Variants in LAPTM4B observed in about 807,000 individuals in gnomAD.
LAPTM4B encodes the protein lysosomal protein transmembrane 4 beta, also known as lysosomal-associated transmembrane protein 4B.
Under a neutral mutation model 28.5 loss-of-function variants are expected in LAPTM4B, and 26 were observed. The ratio of observed to expected loss-of-function variants is 0.91; its 90% CI spans 0.67 to 1.27. The LOEUF (loss-of-function observed/expected upper bound fraction) is 1.27, where lower values mean the gene tolerates loss of function less well. LAPTM4B is among the 50% of genes most tolerant of loss of function. The pLI is 0.00. For missense variants in LAPTM4B, 288 were observed against 285.8 expected (o/e 1.01, Z -0.06); for synonymous variants, 109 against 106.4 (o/e 1.02, Z -0.15).
intron 5 of LAPTM4B, among the ~76,000 whole-genome samples, chr8:97,821,519 A>G (rs973380611): frequency 3.6e-4 from 54 of 152,032 alleles, no homozygotes; most frequent in African/African-American, 1.3e-3. Context: ...CAAACAAAGA[A>G]GCAGGTAGTG....
intron 1 of LAPTM4B, among the ~76,000 whole-genome samples, chr8:97,783,072 C>CTTTTTTTTTTTTTTTTTTT (rs10605324): frequency 7.8e-6 from 1 of 127,768 alleles, no homozygotes; most frequent in African/African-American, 2.9e-5. Context: ...CGCGCCCGGC[C>CTTTTTTTTTTTTTTTTTTT]TTTTTTTTTT....
chr8:97,779,970 G>C (rs567691760), intron 1 of LAPTM4B, among the ~76,000 whole-genome samples: 1 of 147,734 alleles, frequency 6.8e-6, no homozygotes, highest in South Asian at 2.1e-4. Context: ...AGAATCCCTT[G>C]AACCCAGGTG....
At chr8:97,777,494 G>A (rs62521744) in intron 1 of LAPTM4B, among the ~76,000 whole-genome samples, 1 of 151,778 alleles carries the variant, frequency 6.6e-6, no homozygotes, top group Non-Finnish European at 1.5e-5. Flanking sequence ...GTGTGTGTGT[G>A]GTTTGTTTAT....
intron 5 of LAPTM4B, among the ~76,000 whole-genome samples, chr8:97,819,448 T>C (rs547691485): frequency 3.3e-5 from 5 of 152,304 alleles, no homozygotes; most frequent in Non-Finnish European, 5.9e-5. Flanking sequence ...CAAAATATAT[T>C]TGGACAGAGA....
At chr8:97,782,578 A>G (rs1816338756) in intron 1 of LAPTM4B, among the ~76,000 whole-genome samples, 1 of 149,742 alleles carries the variant, frequency 6.7e-6, no homozygotes, top group African/African-American at 2.5e-5. Context: ...AGCTGGTACT[A>G]CAGGCATGCG....
At chr8:97,779,514 G>A (rs369217496) in intron 1 of LAPTM4B, among the ~76,000 whole-genome samples, 1 of 151,984 alleles carries the variant, frequency 6.6e-6, no homozygotes, top group African/African-American at 2.4e-5. Context: ...AAGAGGCCTG[G>A]TGCAGAGGCT....
chr8:97,794,240 A>G (rs1231090104), intron 1 of LAPTM4B, among the ~76,000 whole-genome samples: 2 of 152,188 alleles, frequency 1.3e-5, no homozygotes, highest in East Asian at 1.9e-4. Flanking sequence ...TTGGCCTCCC[A>G]AAGTGGTGGG....
intron 4 of LAPTM4B, among the ~76,000 whole-genome samples, chr8:97,817,285 C>T (rs2129794972): frequency 6.6e-6 from 1 of 152,000 alleles, no homozygotes; most frequent in African/African-American, 2.4e-5. Context: ...GCATGCACCA[C>T]CATGCCCACC....
chr8:97,810,873 T>G (rs1816815727), intron 2 of LAPTM4B, among the ~76,000 whole-genome samples: 1 of 152,238 alleles, frequency 6.6e-6, no homozygotes, highest in Non-Finnish European at 1.5e-5. Flanking sequence ...TGGCTACTTA[T>G]ATATACAGTC....
rs190279497 is a variant in LAPTM4B at position 97,838,400 on chromosome 8, T to C, written c.604-12997T>C. On this transcript the variant is annotated intron_variant, in intron 6 of 6. Coordinates refer to ENST00000521545, the MANE Select transcript of LAPTM4B (RefSeq NM_018407.6). ...CTCTTGTGTTTGTATCATAGGTTTC[T>C]CCGCAGACATGTGGCAGTTGCCGCC... 5.0e-3 allele frequency among the ~76,000 whole-genome samples: 768 copies of C among 152,368 alleles called. 4 individuals are homozygous for C. Among genetic ancestry groups the C allele is most frequent in the African/African-American group, 0.017 (702 of 41,586 alleles).
At chr8:97,816,208 C>T in intron 4 of LAPTM4B, 28 bp downstream of exon 4, 1 of 1,578,024 alleles carries the variant, frequency 6.3e-7, no homozygotes, top group South Asian at 1.2e-5. Context: ...TGCTCCTTTT[C>T]ATTAATTCTT....
At chr8:97,850,735 A>G (rs573243647) in intron 6 of LAPTM4B, among the ~76,000 whole-genome samples, 1 of 146,544 alleles carries the variant, frequency 6.8e-6, no homozygotes, top group South Asian at 2.2e-4. Flanking sequence ...AAGGGCAGGG[A>G]CTGTCTTTTG....
At chr8:97,848,048 G>GA (rs1356054646) in intron 6 of LAPTM4B, among the ~76,000 whole-genome samples, 11 of 152,318 alleles carry the variant, frequency 7.2e-5, no homozygotes, top group African/African-American at 2.6e-4. Flanking sequence ...CGGATCACCT[G>GA]AGGGCAGAAG....
chr8:97,852,939 G>T lies in LAPTM4B; in HGVS notation c.*1465G>T. 2.1e-6 allele frequency: 1 copy of T among 474,880 alleles called. No homozygotes were observed. The highest frequency in any genetic ancestry group is 3.7e-6 in the Non-Finnish European group (1 of 268,962). The allele number at this position is 474,880 out of a possible 1,614,324, so 29.4% of individuals were successfully genotyped here. Reference sequence around the variant, plus strand: ...GTGGAGAATAAATTACCATTGGTGTGGGGGAAAAAAGCCAAACAGAAGTAG... The same window carrying T: ...GTGGAGAATAAATTACCATTGGTGTTGGGGAAAAAAGCCAAACAGAAGTAG... On this transcript the variant is annotated 3_prime_UTR_variant, in exon 7 of 7. Coordinates refer to ENST00000521545, the MANE Select transcript of LAPTM4B (RefSeq NM_018407.6).
chr8:97,776,233 T>A, intron 1 of LAPTM4B, 125 bp downstream of exon 1: 1 of 1,164,310 alleles, frequency 8.6e-7, no homozygotes, highest in Non-Finnish European at 1.1e-6. Context: ...ATTAGAAACT[T>A]AATTCTCCGG....
chr8:97,782,582 G>A (rs759908707), intron 1 of LAPTM4B, among the ~76,000 whole-genome samples: 1 of 151,924 alleles, frequency 6.6e-6, no homozygotes, highest in African/African-American at 2.4e-5. Flanking sequence ...GGTACTACAG[G>A]CATGCGCCAC....
intron 2 of LAPTM4B, among the ~76,000 whole-genome samples, chr8:97,808,723 C>T (rs6468595): frequency 0.45 from 68,578 of 151,762 alleles, 15,959 homozygotes; most frequent in East Asian, 0.57. Flanking sequence ...AGGCTGGGGG[C>T]GGTGGTGGGT....
At chr8:97,776,493 G>GT (rs1191672148) in intron 1 of LAPTM4B, among the ~76,000 whole-genome samples, 2 of 152,278 alleles carry the variant, frequency 1.3e-5, no homozygotes, top group Non-Finnish European at 2.9e-5. Context: ...TGGGCTTTGT[G>GT]TTTCGACGGC....
intron 1 of LAPTM4B, among the ~76,000 whole-genome samples, chr8:97,780,542 G>A (rs1427497859): frequency 6.6e-6 from 1 of 152,032 alleles, no homozygotes; most frequent in Non-Finnish European, 1.5e-5. Context: ...TCTTATTGTT[G>A]ATTCCTACCA....
Sources: gnomAD v4.1 joint callset for allele counts (sites outside exome capture counted in the v4.1 genomes callset) on GRCh38, gnomAD v4.1.1 for gene constraint, MANE v1.5 for transcripts, NCBI Gene and HGNC (gene_info 2026-07-23, HGNC 2026-07-21) for gene names.